Variants in CACNB4 observed in about 807,000 individuals in gnomAD.
CACNB4 encodes the protein voltage-dependent L-type calcium channel subunit beta-4.
A neutral mutation model predicts 71.2 loss-of-function variants in CACNB4; 32 were observed. The ratio of observed to expected loss-of-function variants is 0.45; its 90% CI spans 0.34 to 0.60. CACNB4 has a LOEUF of 0.60. Among genes scored for constraint, CACNB4 ranks in the 20% least tolerant of loss-of-function variants. The pLI, the probability that CACNB4 is intolerant of heterozygous loss-of-function variation, is 0.01. For synonymous variants in CACNB4, 231 were observed against 236.9 expected (o/e 0.97, Z 0.23); for missense variants, 464 against 647.9 (o/e 0.72, Z 3.08).
chr2:151,988,253 C>T (rs1681483253), intron 2 of CACNB4, among the ~76,000 whole-genome samples: 1 of 152,084 alleles, frequency 6.6e-6, no homozygotes, highest in Non-Finnish European at 1.5e-5. Context: ...ACGTGACTTC[C>T]ACTACTAATC....
At chr2:151,858,616 A>T (rs1429478988) in intron 10 of CACNB4, 1 of 152,196 alleles carries the variant, frequency 6.6e-6, no homozygotes, top group African/African-American at 2.4e-5. Flanking sequence ...TATGTTGTAA[A>T]ATTAACATTG....
chr2:151,854,221 C>T (rs886127449), intron 11 of CACNB4: 3 of 152,380 alleles, frequency 2.0e-5, no homozygotes, highest in Non-Finnish European at 2.9e-5. Context: ...CACTTAAGGA[C>T]ACCACAGTGT....
intron 2 of CACNB4, among the ~76,000 whole-genome samples, chr2:151,986,271 T>G (rs1371323493): frequency 6.6e-6 from 1 of 152,206 alleles, no homozygotes; most frequent in Non-Finnish European, 1.5e-5. Context: ...AACACTGATA[T>G]GCCTTTTACT....
intron 6 of CACNB4, chr2:151,871,173 C>T: frequency 2.5e-6 from 1 of 394,424 alleles, no homozygotes; most frequent in East Asian, 4.4e-5. Context: ...TGGGTTGTTC[C>T]CGTGCTGGAC....
intron 2 of CACNB4, among the ~76,000 whole-genome samples, chr2:152,010,825 T>C (rs1170880473): frequency 1.3e-5 from 2 of 151,994 alleles, no homozygotes; most frequent in Non-Finnish European, 2.9e-5. Context: ...CCCAGCACTG[T>C]ATAGGGTGGA....
intron 2 of CACNB4, among the ~76,000 whole-genome samples, chr2:151,975,896 G>C (rs6724936): frequency 6.6e-6 from 1 of 152,144 alleles, no homozygotes; most frequent in Non-Finnish European, 1.5e-5. Flanking sequence ...TAAATTAAGG[G>C]GAGAAGACAG....
intron 9 of CACNB4, chr2:151,861,225 T>C (rs2099841564): frequency 1.2e-5 from 2 of 166,684 alleles, no homozygotes; most frequent in African/African-American, 4.8e-5. Context: ...GAACTACAAA[T>C]GCTTTGCTCT....
rs78122861 is a variant in CACNB4, at chr2:151,895,529, A to G, written c.148-12159T>C. On this transcript the variant is annotated intron_variant, in intron 2 of 13. Coordinates refer to ENST00000539935, the MANE Select transcript of CACNB4 (RefSeq NM_000726.5). ...CTATTATGCATCAATATACCTAAAT[A>G]TACTAGAGGAAGGAAACAGATTTAA... Among the ~76,000 whole-genome samples the G allele has an allele frequency of 3.9e-5, 6 of 152,180 alleles. No homozygotes were observed. The East Asian group carries it at 7.7e-4, about 20-fold the overall frequency.
chr2:152,096,606 A>G (rs1420195237), intron 2 of CACNB4, among the ~76,000 whole-genome samples: 1 of 152,262 alleles, frequency 6.6e-6, no homozygotes, highest in African/African-American at 2.4e-5. Flanking sequence ...TTCCCATTTC[A>G]TAGATGAAAT....
chr2:151,839,272 A>T lies in CACNB4; in HGVS notation c.1410T>A (p.Ser470Arg). ...GAGAACTGGAAGACAAGCGGTTCCTACTCTTCCGAGCCCTTTCATTGTGAT... is the reference window on the plus strand; with the variant it reads ...GAGAACTGGAAGACAAGCGGTTCCTTCTCTTCCGAGCCCTTTCATTGTGAT... ...ENYHNERARK[S>R]RNRLSSSSQH... Residue 470 changes from serine (S) to arginine (R), a missense_variant, in exon 14 of 14, where the codon AGT (serine) becomes AGA (arginine). Transcript: ENST00000539935. The T allele has an allele frequency of 6.2e-7, 1 of 1,613,096 alleles. No individual in the cohort carries two copies. Among genetic ancestry groups the T allele is most frequent in the South Asian group, 1.1e-5 (1 of 91,016 alleles).
chr2:152,087,418 C>T (rs1346096920), intron 2 of CACNB4, among the ~76,000 whole-genome samples: 9 of 136,172 alleles, frequency 6.6e-5, no homozygotes, highest in Middle Eastern at 4.2e-3. Flanking sequence ...GGCAACAGAA[C>T]GGGACCCCAT....
chr2:151,859,391 C>T (rs2099841095), intron 10 of CACNB4: 1 of 152,142 alleles, frequency 6.6e-6, no homozygotes, highest in Non-Finnish European at 1.5e-5. Flanking sequence ...TCTCACCATA[C>T]ATTAGAAGGA....
At position 151,957,257 on chromosome 2, in the gene CACNB4, C is replaced by CGTGTATGTATGTGTGTGT. The variant is rs3068823; in HGVS notation, c.148-73888_148-73887insACACACACATACATACAC. 7.6e-5 allele frequency among the ~76,000 whole-genome samples: 10 copies of CGTGTATGTATGTGTGTGT among 131,788 alleles called. No individual in the cohort carries two copies. The Admixed American group carries it at 7.8e-4, about 10-fold the overall frequency. The allele number at this position is 131,788 out of a possible 152,430, so 86.5% of individuals were successfully genotyped here. A position where few individuals can be genotyped will look rare whatever the true frequency, so the allele number is the denominator to read the frequency against. On this transcript the variant is annotated intron_variant, in intron 2 of 13. Transcript: ENST00000539935. ...AGAAAAAAAAAGTAGAGTGGCTGGG[C>CGTGTATGTATGTGTGTGT]GTGTGTGTGTGTGTGTGTGTGTGTG... is the stretch of plus-strand genomic sequence containing the variant.
intron 2 of CACNB4, among the ~76,000 whole-genome samples, chr2:151,974,430 A>G (rs760209997): frequency 7.9e-5 from 12 of 152,230 alleles, no homozygotes; most frequent in South Asian, 2.1e-4. Context: ...GGGAATTTCT[A>G]TAGTAAAAGT....
chr2:152,053,203 G>A (rs1056796526), intron 2 of CACNB4, among the ~76,000 whole-genome samples: 49 of 152,294 alleles, frequency 3.2e-4, no homozygotes, highest in African/African-American at 1.2e-3. Context: ...ACCAGGACAT[G>A]TCTAGAGGCC....
intron 2 of CACNB4, among the ~76,000 whole-genome samples, chr2:152,093,706 A>C (rs1437416443): frequency 3.9e-5 from 6 of 152,314 alleles, no homozygotes; most frequent in African/African-American, 7.2e-5. Flanking sequence ...CAAAAGCTCT[A>C]GTTGAGTTCT....
At chr2:152,007,082 C>A (rs796759880) in intron 2 of CACNB4, among the ~76,000 whole-genome samples, 1 of 152,204 alleles carries the variant, frequency 6.6e-6, no homozygotes, top group Non-Finnish European at 1.5e-5. Flanking sequence ...CGGCAAGTCA[C>A]ACCTGGTCTG....
chr2:152,067,691 T>C (rs1686422731), intron 2 of CACNB4, among the ~76,000 whole-genome samples: 1 of 152,160 alleles, frequency 6.6e-6, no homozygotes, highest in Non-Finnish European at 1.5e-5. Flanking sequence ...CTCTGGATCA[T>C]GGAGCTAGAT....
chr2:151,971,221 A>G (rs2099872453), intron 2 of CACNB4: 1 of 446,822 alleles, frequency 2.2e-6, no homozygotes, highest in South Asian at 2.7e-5. Flanking sequence ...ACAGTGTATA[A>G]TAATGGTTTA....
Sources: allele counts gnomAD v4.1 joint callset (sites outside exome capture counted in the v4.1 genomes callset), GRCh38; gene constraint gnomAD v4.1.1; transcripts MANE v1.5; gene names NCBI Gene and HGNC (gene_info 2026-07-23, HGNC 2026-07-21).